The following RICTOR variants were observed in gnomAD, a reference collection of about 807,000 sequenced individuals.
The protein encoded by RICTOR is rapamycin-insensitive companion of mTOR.
RICTOR carries 49 observed loss-of-function variants against 214.9 expected under a neutral mutation model. The ratio of observed to expected loss-of-function variants is 0.23; its 90% CI spans 0.18 to 0.29. RICTOR has a LOEUF of 0.29. Among genes scored for constraint, RICTOR ranks in the 10% least tolerant of loss-of-function variants. The pLI is 1.00. For synonymous variants in RICTOR, 717 were observed against 711.3 expected, an observed-to-expected ratio of 1.01 and a Z score of -0.13; for missense variants, 1,625 against 2,047.0, an observed-to-expected ratio of 0.79 and a Z score of 3.98.
rs1220706288 is a variant in RICTOR at position 38,952,395 on chromosome 5, A to C, written c.2928T>G (p.Ala976=). The C allele has an allele frequency of 3.7e-6, 6 of 1,612,428 alleles. No homozygotes were observed. The Middle Eastern group carries it at 9.9e-4, about 267-fold the overall frequency. Reference sequence around the variant, plus strand: ...GAATATCACAGCCTTGTTTGGTTTTAGCTATGAGCCCAAGTACATATACAC... The same window carrying C: ...GAATATCACAGCCTTGTTTGGTTTTCGCTATGAGCCCAAGTACATATACAC... ...GTCVYVLGLI[A]KTKQGCDILK... Residue 976 remains alanine, a synonymous_variant, in exon 30 of 38, where the codon GCT becomes GCG. Transcript: ENST00000357387.
chr5:39,050,872 T>C (rs1757787807), intron 2 of RICTOR, among the ~76,000 whole-genome samples: 1 of 152,168 alleles, frequency 6.6e-6, no homozygotes, highest in South Asian at 2.1e-4. Context: ...ATTATACTTT[T>C]TTCTCGAATT....
chr5:38,990,557 G>T (rs62359806), intron 7 of RICTOR, among the ~76,000 whole-genome samples: 1 of 102,238 alleles, frequency 9.8e-6, no homozygotes, highest in African/African-American at 3.5e-5. Flanking sequence ...CGATATACAC[G>T]ATATATACAC....
intron 2 of RICTOR, among the ~76,000 whole-genome samples, chr5:39,069,479 C>G (rs936066379): frequency 6.6e-6 from 1 of 152,070 alleles, no homozygotes; most frequent in Non-Finnish European, 1.5e-5. Flanking sequence ...TTCCAAGTTA[C>G]CCTTGGAAAA....
At chr5:39,050,878 G>A (rs1242544952) in intron 2 of RICTOR, among the ~76,000 whole-genome samples, 1 of 151,866 alleles carries the variant, frequency 6.6e-6, no homozygotes, top group Non-Finnish European at 1.5e-5. Context: ...CTTTTTTCTC[G>A]AATTATGTGT....
intron 2 of RICTOR, among the ~76,000 whole-genome samples, chr5:39,053,464 C>T (rs1445518465): frequency 2.6e-5 from 4 of 152,158 alleles, no homozygotes; most frequent in Admixed American, 6.5e-5. Flanking sequence ...CAACCCCAAA[C>T]CATGATTTTA....
intron 2 of RICTOR, among the ~76,000 whole-genome samples, chr5:39,063,314 T>C (rs1758675847): frequency 6.6e-6 from 1 of 152,162 alleles, no homozygotes; most frequent in African/African-American, 2.4e-5. Flanking sequence ...AGCCTGTCTG[T>C]AATATAATCA....
At chr5:39,045,036 G>GA (rs1430611063) in intron 2 of RICTOR, among the ~76,000 whole-genome samples, 1 of 151,990 alleles carries the variant, frequency 6.6e-6, no homozygotes, top group Non-Finnish European at 1.5e-5. Flanking sequence ...CTGCTCAATG[G>GA]AAAAAAGGCA....
chr5:38,999,302 T>A (rs577043588), intron 5 of RICTOR, among the ~76,000 whole-genome samples: 5 of 150,324 alleles, frequency 3.3e-5, no homozygotes, highest in Non-Finnish European at 7.4e-5. Context: ...AAAAAAAAAA[T>A]CTTTAAAGCA....
At chr5:38,979,575 T>C (rs1232943331) in intron 8 of RICTOR, among the ~76,000 whole-genome samples, 2 of 152,166 alleles carry the variant, frequency 1.3e-5, no homozygotes, top group East Asian at 3.9e-4. Context: ...ATTTATACAG[T>C]TTCAATGACT....
chr5:39,070,166 T>C (rs1759203717), intron 2 of RICTOR, among the ~76,000 whole-genome samples: 1 of 152,072 alleles, frequency 6.6e-6, no homozygotes, highest in Non-Finnish European at 1.5e-5. Flanking sequence ...AACTGGAAAA[T>C]AAAAAGTTAG....
At chr5:38,993,354 G>C (rs943663409) in intron 6 of RICTOR, among the ~76,000 whole-genome samples, 1 of 152,008 alleles carries the variant, frequency 6.6e-6, no homozygotes, top group Non-Finnish European at 1.5e-5. Context: ...GCAGCGAGTA[G>C]AATTTAAATA....
chr5:39,050,373 G>A (rs1469634773), intron 2 of RICTOR, among the ~76,000 whole-genome samples: 3 of 151,572 alleles, frequency 2.0e-5, no homozygotes, highest in African/African-American at 7.3e-5. Flanking sequence ...GTCTCTCTCT[G>A]TCTCCCAGGC....
At chr5:38,993,965 G>A (rs184477763) in intron 6 of RICTOR, among the ~76,000 whole-genome samples, 4 of 152,192 alleles carry the variant, frequency 2.6e-5, no homozygotes, top group East Asian at 1.9e-4. Context: ...GGCAGATCAC[G>A]AACTCAGGAG....
At chr5:39,073,707 C>T (rs930233238) in intron 2 of RICTOR, among the ~76,000 whole-genome samples, 1 of 152,164 alleles carries the variant, frequency 6.6e-6, no homozygotes, top group African/African-American at 2.4e-5. Flanking sequence ...TGTGGTCGCT[C>T]TTCCCTCAAA....
intron 31 of RICTOR, chr5:38,949,424 G>T: frequency 6.3e-7 from 1 of 1,589,294 alleles, no homozygotes; most frequent in Non-Finnish European, 8.5e-7. Context: ...TTTTAAAATC[G>T]ATCCTTGCAG....
chr5:38,978,505 T>C (rs539717462), intron 9 of RICTOR, 78 bp downstream of exon 9: 23 of 605,026 alleles, frequency 3.8e-5, no homozygotes, highest in Admixed American at 3.4e-4. Context: ...TGGCTGTACA[T>C]GGAATCACGC....
intron 19 of RICTOR, among the ~76,000 whole-genome samples, chr5:38,960,927 C>T (rs961930197): frequency 6.6e-6 from 1 of 152,064 alleles, no homozygotes; most frequent in Admixed American, 6.6e-5. Context: ...GTTTGCTTCC[C>T]CTTCTGCCAC....
intron 23 of RICTOR, 42 bp from the exon 24 acceptor site, chr5:38,958,561 T>C (rs746946646): frequency 2.6e-6 from 4 of 1,562,138 alleles, no homozygotes; most frequent in Middle Eastern, 1.7e-4. Context: ...TGCACAAAAA[T>C]AGCAAAATTT....
intron 37 of RICTOR, among the ~76,000 whole-genome samples, 163 bp downstream of exon 37, chr5:38,942,670 G>A (rs1393696673): frequency 6.6e-6 from 1 of 151,206 alleles, no homozygotes; most frequent in East Asian, 1.9e-4. Context: ...TGCCCAGGCT[G>A]GTCTTGAATT....
Sources: gnomAD v4.1 joint callset for allele counts (sites outside exome capture counted in the v4.1 genomes callset) on GRCh38, gnomAD v4.1.1 for gene constraint, MANE v1.5 for transcripts, NCBI Gene and HGNC (gene_info 2026-07-23, HGNC 2026-07-21) for gene names.